Variants in FAM169A observed in about 807,000 individuals in gnomAD.
FAM169A encodes the protein family with sequence similarity 169 member A, also known as soluble lamin-associated protein of 75 kDa.
In FAM169A, 24 loss-of-function variants were observed where a neutral mutation model predicts 75.7. That is an observed-to-expected ratio of 0.32 (90% confidence interval 0.23 to 0.45). The LOEUF (loss-of-function observed/expected upper bound fraction) is 0.45, where lower values mean the gene tolerates loss of function less well. Ranked by LOEUF, FAM169A falls within the 20% of genes least tolerant of loss-of-function variation. The probability of loss-of-function intolerance (pLI) is 1.00; values close to 1 mark genes in which losing one functional copy is unlikely to be tolerated. For missense variants in FAM169A, 673 were observed against 784.0 expected, an observed-to-expected ratio of 0.86 and a Z score of 1.69; for synonymous variants, 271 against 271.0, an observed-to-expected ratio of 1.00 and a Z score of 0.00.
chr5:74,816,727 G>A (rs1367802004), intron 5 of FAM169A, among the ~76,000 whole-genome samples: 1 of 152,074 alleles, frequency 6.6e-6, no homozygotes, highest in Non-Finnish European at 1.5e-5. Flanking sequence ...TGCTGTCTTA[G>A]GTAAAGTTTT....
rs201794628 is a variant in FAM169A at position 74,839,081 on chromosome 5, G to A, written c.233-31C>T. ...ATAGAATAAATAATCATTAACACTT[G>A]AGTTTTAAAGTACACTTTTAGACTT... On this transcript the variant is annotated intron_variant, in intron 3 of 12. Coordinates refer to ENST00000687041, the MANE Select transcript of FAM169A (RefSeq NM_001376049.1). 2.7e-6 allele frequency: 4 copies of A among 1,497,470 alleles called. No individual in the cohort carries two copies. The African/African-American group carries it at 5.5e-5, about 21-fold the overall frequency. The allele number at this position is 1,497,470 out of a possible 1,614,324, so 92.8% of individuals were successfully genotyped here. A position where few individuals can be genotyped will look rare whatever the true frequency, so the allele number is the denominator to read the frequency against.
intron 11 of FAM169A, among the ~76,000 whole-genome samples, chr5:74,784,067 G>C (rs1580069131): frequency 1.3e-5 from 2 of 151,990 alleles, no homozygotes; most frequent in East Asian, 3.9e-4. Flanking sequence ...AGTTCACACA[G>C]AAGGTAATAT....
At chr5:74,866,447 C>G (rs1348145946), upstream of FAM169A, 1 of 901,364 alleles carries the variant, frequency 1.1e-6, no homozygotes, top group Non-Finnish European at 1.3e-6. Flanking sequence ...CGCGAATCCC[C>G]CCGCCCGCCA....
rs1391131326 is a variant in FAM169A at position 74,780,580 on chromosome 5, G to A, written c.*880C>T. The A allele has an allele frequency of 5.9e-5, 9 of 152,156 alleles. No individual in the cohort carries two copies. The highest frequency in any genetic ancestry group is 5.9e-4 in the Admixed American group (9 of 15,276). 9.4% of individuals were successfully genotyped at this position (152,156 alleles called of 1,614,324 possible). A position where few individuals can be genotyped will look rare whatever the true frequency, so the allele number is the denominator to read the frequency against. ...GGTTGGGATAAAAGTAAAATCTCCA[G>A]CTTAATTTATCTATCTGATCAGGAC... On this transcript the variant is annotated 3_prime_UTR_variant, in exon 13 of 13. Coordinates refer to ENST00000687041, the MANE Select transcript of FAM169A (RefSeq NM_001376049.1).
intron 5 of FAM169A, among the ~76,000 whole-genome samples, chr5:74,829,828 C>T (rs1748220041): frequency 6.6e-6 from 1 of 152,014 alleles, no homozygotes; most frequent in East Asian, 1.9e-4. Context: ...ACAAAATTAG[C>T]CGGGCGTAAT....
intron 5 of FAM169A, among the ~76,000 whole-genome samples, chr5:74,832,425 G>A (rs537223410): frequency 4.0e-5 from 6 of 151,682 alleles, no homozygotes; most frequent in Admixed American, 1.3e-4. Flanking sequence ...TTTCTATCAA[G>A]GCTATTCTAT....
intron 1 of FAM169A, among the ~76,000 whole-genome samples, chr5:74,862,672 A>G (rs1256154166): frequency 6.6e-6 from 1 of 152,226 alleles, no homozygotes; most frequent in East Asian, 1.9e-4. Context: ...CTAACAGTAC[A>G]CCTTACAAGG....
chr5:74,848,367 A>G (rs1164704004), intron 1 of FAM169A, among the ~76,000 whole-genome samples: 5 of 152,298 alleles, frequency 3.3e-5, no homozygotes, highest in South Asian at 2.1e-4. Flanking sequence ...GACTAACATC[A>G]TACCACTAGT....
In FAM169A at chr5:74,805,241, G is replaced by T. The variant is rs1251488713; in HGVS notation, c.714C>A (p.Leu238=). ...GTCCAACACCTTCAACTTCCCAAAG[G>T]AGTTCATGGTCTCCTGGATACTTCT... ...YFEKYPGDHE[L]LWEVEGVGHW... The change falls in exon 7 of 13, where the codon CTC becomes CTA. Residue 238 remains leucine, a synonymous_variant. Coordinates refer to ENST00000687041, the MANE Select transcript of FAM169A (RefSeq NM_001376049.1). 1.6e-5 allele frequency: 26 copies of T among 1,613,538 alleles called. No homozygotes were observed. The highest frequency in any genetic ancestry group is 2.2e-5 in the Non-Finnish European group (26 of 1,179,554).
At position 74,850,675 on chromosome 5, in the gene FAM169A, G is replaced by A. The variant is rs1416391451; in HGVS notation, c.-3-8996C>T. Among the ~76,000 whole-genome samples the A allele has an allele frequency of 5.3e-5, 8 of 152,152 alleles. No homozygotes were observed. In the East Asian group the frequency reaches 1.5e-3, roughly 29 times the overall value. On this transcript the variant is annotated intron_variant, in intron 1 of 12. Coordinates refer to ENST00000687041, the MANE Select transcript of FAM169A (RefSeq NM_001376049.1). ...CTGGTTGAGAAAGGAATAAACTGCT[G>A]CAACTAATAACTAGAAATCAATCAA... is the stretch of plus-strand genomic sequence containing the variant.
intron 11 of FAM169A, among the ~76,000 whole-genome samples, chr5:74,794,017 A>G (rs1003700758): frequency 2.7e-5 from 4 of 150,672 alleles, no homozygotes; most frequent in Non-Finnish European, 5.9e-5. Context: ...AAAAAAAAAA[A>G]AAAGAAATAT....
At chr5:74,824,798 C>T (rs995692642) in intron 5 of FAM169A, among the ~76,000 whole-genome samples, 4 of 151,836 alleles carry the variant, frequency 2.6e-5, no homozygotes, top group South Asian at 2.1e-4. Flanking sequence ...CTGATATTTT[C>T]GGTATTTACT....
chr5:74,800,828 C>CA (rs1359949377), intron 10 of FAM169A, 52 bp downstream of exon 10: 1 of 1,023,474 alleles, frequency 9.8e-7, no homozygotes, highest in East Asian at 3.5e-5. Context: ...AAAGTATAAA[C>CA]AAAAAATAAA....
At chr5:74,828,679 T>C (rs1216991450) in intron 5 of FAM169A, among the ~76,000 whole-genome samples, 3 of 152,244 alleles carry the variant, frequency 2.0e-5, no homozygotes, top group Admixed American at 6.5e-5. Flanking sequence ...TGGTGCTTCC[T>C]GCCTTGGGCA....
intron 5 of FAM169A, among the ~76,000 whole-genome samples, chr5:74,829,380 G>T (rs963649608): frequency 2.6e-5 from 4 of 152,118 alleles, no homozygotes; most frequent in Non-Finnish European, 4.4e-5. Context: ...TCTTGTGAAT[G>T]CAAGTCACCA....
At chr5:74,782,682 T>A (rs1017601566) in intron 12 of FAM169A, among the ~76,000 whole-genome samples, 1 of 152,218 alleles carries the variant, frequency 6.6e-6, no homozygotes, top group African/African-American at 2.4e-5. Context: ...TTCTAAGCAT[T>A]TCCTAACTAC....
At chr5:74,818,812 T>TAC (rs2112594731) in intron 5 of FAM169A, among the ~76,000 whole-genome samples, 1 of 149,236 alleles carries the variant, frequency 6.7e-6, no homozygotes, top group South Asian at 2.1e-4. Context: ...TCTATATATA[T>TAC]ATATATATAT....
At chr5:74,826,121 C>T (rs1204675174) in intron 5 of FAM169A, among the ~76,000 whole-genome samples, 1 of 152,112 alleles carries the variant, frequency 6.6e-6, no homozygotes, top group African/African-American at 2.4e-5. Flanking sequence ...GATCAACCTC[C>T]TCCAACTCTA....
chr5:74,859,825 C>T (rs1175798135), intron 1 of FAM169A, among the ~76,000 whole-genome samples: 1 of 151,678 alleles, frequency 6.6e-6, no homozygotes, highest in Non-Finnish European at 1.5e-5. Flanking sequence ...CAAGACCAGC[C>T]TGGGCAACAA....
Sources: gnomAD v4.1 joint callset for allele counts (sites outside exome capture counted in the v4.1 genomes callset) on GRCh38, gnomAD v4.1.1 for gene constraint, MANE v1.5 for transcripts, NCBI Gene and HGNC (gene_info 2026-07-23, HGNC 2026-07-21) for gene names.